The following ARNT2 variants were observed in gnomAD, a reference collection of about 807,000 sequenced individuals.
ARNT2 encodes aryl hydrocarbon receptor nuclear translocator 2.
Under a neutral mutation model 91.7 loss-of-function variants are expected in ARNT2, and 36 were observed. The observed-to-expected ratio is 0.39, with a 90% CI of 0.30 to 0.52. ARNT2 has a LOEUF of 0.52. Ranked by LOEUF, ARNT2 falls within the 20% of genes least tolerant of loss-of-function variation. The pLI, the probability that ARNT2 is intolerant of heterozygous loss-of-function variation, is 0.72. For missense variants in ARNT2, 775 were observed against 939.3 expected, an observed-to-expected ratio of 0.83 and a Z score of 2.29; for synonymous variants, 365 against 347.1, an observed-to-expected ratio of 1.05 and a Z score of -0.57.
intron 2 of ARNT2, among the ~76,000 whole-genome samples, chr15:80,452,845 G>A (rs949385698): frequency 6.6e-6 from 1 of 152,240 alleles, no homozygotes; most frequent in Non-Finnish European, 1.5e-5. Context: ...TTCCCTCCTC[G>A]GCCTCCATGT....
At chr15:80,412,541 G>A (rs912743641) in intron 1 of ARNT2, among the ~76,000 whole-genome samples, 11 of 151,962 alleles carry the variant, frequency 7.2e-5, no homozygotes, top group African/African-American at 1.9e-4. Flanking sequence ...GAATTATTTC[G>A]AGCATATTGC....
intron 2 of ARNT2, among the ~76,000 whole-genome samples, chr15:80,457,538 G>A (rs1025430630): frequency 2.6e-5 from 4 of 152,206 alleles, no homozygotes; most frequent in Non-Finnish European, 4.4e-5. Context: ...AAGTCTTAAT[G>A]TGGAATAGGT....
intron 2 of ARNT2, among the ~76,000 whole-genome samples, chr15:80,457,220 G>A (rs1002153639): frequency 2.6e-5 from 4 of 152,196 alleles, no homozygotes; most frequent in Non-Finnish European, 4.4e-5. Context: ...TGTTTACACT[G>A]AGAGGCCCAG....
At chr15:80,490,473 G>A (rs1356904491) in intron 5 of ARNT2, among the ~76,000 whole-genome samples, 1 of 152,248 alleles carries the variant, frequency 6.6e-6, no homozygotes, top group Non-Finnish European at 1.5e-5. Flanking sequence ...GTATCTGGGC[G>A]GGACATCCGC....
At chr15:80,450,754 G>A (rs891772121) in intron 1 of ARNT2, 126 bp from the exon 2 acceptor site, 17 of 886,674 alleles carry the variant, frequency 1.9e-5, no homozygotes, top group Admixed American at 3.7e-5. Flanking sequence ...ATGGCAGAGC[G>A]GCCGCAGGAT....
At chr15:80,471,193 AG>A (rs1191542108) in intron 4 of ARNT2, among the ~76,000 whole-genome samples, 4 of 152,262 alleles carry the variant, frequency 2.6e-5, no homozygotes, top group African/African-American at 9.6e-5. Flanking sequence ...AATACTACAC[AG>A]CCATATAAAA....
intron 6 of ARNT2, among the ~76,000 whole-genome samples, chr15:80,511,845 G>T (rs1358404796): frequency 1.3e-5 from 2 of 152,098 alleles, no homozygotes; most frequent in Non-Finnish European, 2.9e-5. Flanking sequence ...AAGAGAGGGC[G>T]AAGGAAGTTT....
intron 2 of ARNT2, among the ~76,000 whole-genome samples, chr15:80,454,810 A>G (rs1896457967): frequency 6.6e-6 from 1 of 152,296 alleles, no homozygotes; most frequent in South Asian, 2.1e-4. Context: ...AGGGAGCTTC[A>G]CTTCACTCAC....
chr15:80,553,842 C>A (rs1208870551), intron 10 of ARNT2, among the ~76,000 whole-genome samples: 1 of 152,294 alleles, frequency 6.6e-6, no homozygotes, highest in Admixed American at 6.5e-5. Context: ...CAAACTAGAA[C>A]TATTAGGACT....
At chr15:80,531,415 T>TG (rs764272172) in intron 8 of ARNT2, among the ~76,000 whole-genome samples, 3 of 152,266 alleles carry the variant, frequency 2.0e-5, no homozygotes, top group Non-Finnish European at 2.9e-5. Flanking sequence ...TAATTTAATG[T>TG]GGGGCACAAT....
At chr15:80,524,108 G>A (rs1460337997) in intron 8 of ARNT2, among the ~76,000 whole-genome samples, 2 of 152,162 alleles carry the variant, frequency 1.3e-5, no homozygotes, top group Non-Finnish European at 2.9e-5. Flanking sequence ...CAAAGGCAAT[G>A]AACAGGGTGC....
At chr15:80,573,545 C>G (rs975892736) in intron 12 of ARNT2, among the ~76,000 whole-genome samples, 1 of 152,190 alleles carries the variant, frequency 6.6e-6, no homozygotes, top group African/African-American at 2.4e-5. Flanking sequence ...TGAAAACAAT[C>G]CAGTAAAGCC....
chr15:80,542,612 A>G (rs188254444), intron 8 of ARNT2, among the ~76,000 whole-genome samples: 285 of 152,266 alleles, frequency 1.9e-3, no homozygotes, highest in African/African-American at 6.5e-3. Context: ...GAAGGAATAT[A>G]AAGAAAATTT....
intron 4 of ARNT2, 42 bp from the exon 5 acceptor site, chr15:80,474,968 G>T: frequency 6.3e-7 from 1 of 1,593,822 alleles, no homozygotes; most frequent in Non-Finnish European, 8.6e-7. Context: ...ATCATCCTGG[G>T]TCTGTCAGTG....
intron 1 of ARNT2, chr15:80,433,851 GAT>G (rs1195696829): frequency 6.6e-6 from 1 of 152,206 alleles, no homozygotes; most frequent in Non-Finnish European, 1.5e-5. Flanking sequence ...CAGCCGTGTA[GAT>G]ATAGGATTAG....
At position 80,552,861 on chromosome 15, in the gene ARNT2, A is replaced by G. The variant is rs574558265; in HGVS notation, c.1089+87A>G. On this transcript the variant is annotated intron_variant, in intron 10 of 18. Coordinates refer to ENST00000303329, the MANE Select transcript of ARNT2 (RefSeq NM_014862.4). ...CTTACTTCATTTGAGATACAACACA[A>G]TGGCCATGTGGAGAAACATCATAAA... 3.3e-5 allele frequency: 49 copies of G among 1,499,928 alleles called. No homozygotes were observed. The East Asian group carries it at 1.1e-3, about 33-fold the overall frequency. 92.9% of individuals were successfully genotyped at this position (1,499,928 alleles called of 1,614,324 possible).
intron 1 of ARNT2, among the ~76,000 whole-genome samples, chr15:80,445,567 G>A (rs370912229): frequency 2.6e-4 from 40 of 151,920 alleles, no homozygotes; most frequent in African/African-American, 8.7e-4. Context: ...GTTGGTGCAT[G>A]AAGCCCTGAG....
At chr15:80,469,964 G>C (rs930281524) in intron 3 of ARNT2, among the ~76,000 whole-genome samples, 1 of 152,188 alleles carries the variant, frequency 6.6e-6, no homozygotes, top group Admixed American at 6.5e-5. Context: ...GCATATGGGA[G>C]TAATTAGAAG....
At chr15:80,452,007 C>T (rs1896400982) in intron 2 of ARNT2, among the ~76,000 whole-genome samples, 2 of 152,196 alleles carry the variant, frequency 1.3e-5, no homozygotes, top group Non-Finnish European at 2.9e-5. Flanking sequence ...CCAAGGCCTG[C>T]AGGGTGTGCC....
Sources: gnomAD v4.1 joint callset for allele counts (sites outside exome capture counted in the v4.1 genomes callset) on GRCh38, gnomAD v4.1.1 for gene constraint, MANE v1.5 for transcripts, NCBI Gene and HGNC (gene_info 2026-07-23, HGNC 2026-07-21) for gene names.